Variants in BMP7 observed in about 807,000 individuals in gnomAD.
The protein encoded by BMP7 is osteogenic protein 1.
Under a neutral mutation model 41.2 loss-of-function variants are expected in BMP7, and 12 were observed. The ratio of observed to expected loss-of-function variants is 0.29; its 90% CI spans 0.19 to 0.47. The LOEUF is 0.47. Ranked by LOEUF, BMP7 falls within the 20% of genes least tolerant of loss-of-function variation. The pLI is 0.99. For synonymous variants in BMP7, 248 were observed against 250.0 expected (o/e 0.99, Z 0.07); for missense variants, 467 against 606.0 (o/e 0.77, Z 2.41).
chr20:57,179,723 G>C (rs1042818524), intron 4 of BMP7, among the ~76,000 whole-genome samples: 1 of 152,252 alleles, frequency 6.6e-6, no homozygotes, highest in Non-Finnish European at 1.5e-5. Flanking sequence ...CACACTCAAG[G>C]ACTCTGGCCT....
chr20:57,205,627 G>T (rs909837443), intron 2 of BMP7, among the ~76,000 whole-genome samples: 1 of 152,224 alleles, frequency 6.6e-6, no homozygotes, highest in Non-Finnish European at 1.5e-5. Flanking sequence ...TGGTGATTTT[G>T]CTGGAAAATT....
chr20:57,170,853 A>T lies in BMP7; in HGVS notation c.*106T>A. 1 of 1,400,516 alleles carries T rather than the reference A, an allele frequency of 7.1e-7. No homozygotes were observed. Among genetic ancestry groups the T allele is most frequent in the Non-Finnish European group, 9.9e-7 (1 of 1,012,976 alleles). 86.8% of individuals were successfully genotyped at this position (1,400,516 alleles called of 1,614,324 possible). A position where few individuals can be genotyped will look rare whatever the true frequency, so the allele number is the denominator to read the frequency against. On this transcript the variant is annotated 3_prime_UTR_variant, in exon 7 of 7. Coordinates refer to ENST00000395863, the MANE Select transcript of BMP7 (RefSeq NM_001719.3). The stretch of plus-strand genomic sequence containing the variant: ...CACACCTTTAAAGTTGGGGATAGGG[A>T]GGGGAAGGTCTCACAAAAGGCAGTT...
chr20:57,239,490 C>T (rs1032395353), intron 1 of BMP7, among the ~76,000 whole-genome samples: 6 of 152,176 alleles, frequency 3.9e-5, no homozygotes, highest in Admixed American at 1.3e-4. Flanking sequence ...TCCAGGCACA[C>T]GGTTCAAGCT....
chr20:57,251,178 C>T (rs905911430), intron 1 of BMP7, among the ~76,000 whole-genome samples: 2 of 152,210 alleles, frequency 1.3e-5, no homozygotes, highest in African/African-American at 4.8e-5. Context: ...GCAGGCGGCC[C>T]GAGGTCAGCC....
At chr20:57,225,691 A>G (rs2066003214) in intron 2 of BMP7, among the ~76,000 whole-genome samples, 1 of 152,188 alleles carries the variant, frequency 6.6e-6, no homozygotes, top group African/African-American at 2.4e-5. Flanking sequence ...TGTCCAGAAA[A>G]ATGAATAAAT....
chr20:57,200,035 A>G (rs939311026), intron 3 of BMP7, among the ~76,000 whole-genome samples: 22 of 152,200 alleles, frequency 1.4e-4, no homozygotes, highest in African/African-American at 4.1e-4. Context: ...GCTCTGAAAT[A>G]TGGAGCCCCG....
Position 57,215,743 on chromosome 20 carries a change from C to T in BMP7, c.611+12486G>A. ...AGCCATGGAGGATGGGGAGACTCATCTTTCTAGACTTCTCCTGGGGACCGC... is the reference window on the plus strand; with the variant it reads ...AGCCATGGAGGATGGGGAGACTCATTTTTCTAGACTTCTCCTGGGGACCGC... On this transcript the variant is annotated intron_variant, in intron 2 of 6. Coordinates refer to ENST00000395863, the MANE Select transcript of BMP7 (RefSeq NM_001719.3). The surrounding 1 kb of genome is among the most constrained non-coding windows in gnomAD (Gnocchi z 4.2). 6.6e-6 allele frequency: 1 copy of T among 152,264 alleles called. No individual in the cohort carries two copies. Among genetic ancestry groups the T allele is most frequent in the East Asian group, 1.9e-4 (1 of 5,192 alleles). The allele number at this position is 152,264 out of a possible 1,614,324, so 9.4% of individuals were successfully genotyped here. A position where few individuals can be genotyped will look rare whatever the true frequency, so the allele number is the denominator to read the frequency against.
In BMP7 at chr20:57,261,891, T is replaced by G. The variant is rs1424758145; in HGVS notation, c.418+3814A>C. ...TGACGGGCAGTGGGAGAGGTCTTAA[T>G]GCCAAACACTTGTCAACAAAAAGGA... is the stretch of plus-strand genomic sequence containing the variant. On this transcript the variant is annotated intron_variant, in intron 1 of 6. Transcript: ENST00000395863. The surrounding 1 kb of genome is among the most constrained non-coding windows in gnomAD (Gnocchi z 4.1). Among the ~76,000 whole-genome samples the G allele has an allele frequency of 1.3e-5, 2 of 152,246 alleles. No individual in the cohort carries two copies. Among genetic ancestry groups the G allele is most frequent in the Non-Finnish European group, 2.9e-5 (2 of 68,048 alleles).
intron 3 of BMP7, among the ~76,000 whole-genome samples, chr20:57,189,267 A>T (rs1392822561): frequency 6.6e-6 from 1 of 152,220 alleles, no homozygotes; most frequent in African/African-American, 2.4e-5. Flanking sequence ...AACAGAGGAA[A>T]TCACAGAGAA....
intron 3 of BMP7, among the ~76,000 whole-genome samples, chr20:57,187,748 G>A (rs908568800): frequency 2.6e-5 from 4 of 152,092 alleles, no homozygotes; most frequent in African/African-American, 4.8e-5. Context: ...CCTGAAGCCC[G>A]CATTCTCACC....
chr20:57,258,287 C>T (rs2066141595), intron 1 of BMP7, among the ~76,000 whole-genome samples: 1 of 152,214 alleles, frequency 6.6e-6, no homozygotes, highest in East Asian at 1.9e-4. Flanking sequence ...TCTCTTTCGT[C>T]CTCTGGTCTC....
intron 1 of BMP7, among the ~76,000 whole-genome samples, chr20:57,258,355 A>G (rs2146031631): frequency 6.6e-6 from 1 of 152,310 alleles, no homozygotes; most frequent in South Asian, 2.1e-4. Flanking sequence ...GCCTAACCCC[A>G]GCTGCGGGAG....
At chr20:57,234,572 C>T (rs990865526) in intron 1 of BMP7, among the ~76,000 whole-genome samples, 1 of 152,204 alleles carries the variant, frequency 6.6e-6, no homozygotes, top group Non-Finnish European at 1.5e-5. Flanking sequence ...TGACTGCAAC[C>T]AAGGCAGTTC....
chr20:57,245,211 T>A (rs2066085037), intron 1 of BMP7, among the ~76,000 whole-genome samples: 1 of 152,238 alleles, frequency 6.6e-6, no homozygotes, highest in Non-Finnish European at 1.5e-5. Flanking sequence ...AAGTTCACAT[T>A]GTAAGAACTC....
chr20:57,247,134 G>A (rs748836912), intron 1 of BMP7, among the ~76,000 whole-genome samples: 5 of 152,154 alleles, frequency 3.3e-5, no homozygotes, highest in Non-Finnish European at 5.9e-5. Flanking sequence ...GGCACAAAGG[G>A]CCAGAGGCTG....
In BMP7 at chr20:57,253,207, G is replaced by A. The variant is rs2066121273; in HGVS notation, c.418+12498C>T. ...CTCCTAAAGGAAATGACCAACCAGT[G>A]CCTCCATCCCATAAACATTTACTAG... On this transcript the variant is annotated intron_variant, in intron 1 of 6. Coordinates refer to ENST00000395863, the MANE Select transcript of BMP7 (RefSeq NM_001719.3). Among the ~76,000 whole-genome samples the A allele has an allele frequency of 3.3e-5, 5 of 152,284 alleles. No individual in the cohort carries two copies. The South Asian group carries it at 1.0e-3, about 32-fold the overall frequency.
intron 3 of BMP7, among the ~76,000 whole-genome samples, chr20:57,188,763 C>A (rs990693594): frequency 6.6e-6 from 1 of 152,230 alleles, no homozygotes; most frequent in African/African-American, 2.4e-5. Context: ...GCCTCACCAG[C>A]AGCAGACTGG....
chr20:57,265,642 C>T, intron 1 of BMP7, 63 bp downstream of exon 1: 2 of 1,551,346 alleles, frequency 1.3e-6, no homozygotes, highest in Non-Finnish European at 8.7e-7. Context: ...GAAGCGGCTC[C>T]CTCCCTCCCA....
chr20:57,222,120 G>A (rs542286239), intron 2 of BMP7, among the ~76,000 whole-genome samples: 10 of 152,162 alleles, frequency 6.6e-5, no homozygotes, highest in Middle Eastern at 3.2e-3. Context: ...TTCACTGAAC[G>A]TGATATAACA....
Sources: gnomAD v4.1 joint callset for allele counts (sites outside exome capture counted in the v4.1 genomes callset) on GRCh38, gnomAD v4.1.1 for gene constraint, Gnocchi (gnomAD v3.1) non-coding constraint, MANE v1.5 for transcripts, NCBI Gene and HGNC (gene_info 2026-07-23, HGNC 2026-07-21) for gene names.